SVIL: variants seen among roughly 807,000 people sequenced by gnomAD.
SVIL encodes archvillin.
A neutral mutation model predicts 240.4 loss-of-function variants in SVIL; 101 were observed. The observed-to-expected ratio is 0.42, with a 90% CI of 0.36 to 0.50. SVIL has a LOEUF of 0.50. Ranked by LOEUF, SVIL falls within the 20% of genes least tolerant of loss-of-function variation. SVIL has a pLI of 0.01. For synonymous variants in SVIL, 999 were observed against 1,100.0 expected, an observed-to-expected ratio of 0.91 and a Z score of 1.82; for missense variants, 2,512 against 2,818.7, an observed-to-expected ratio of 0.89 and a Z score of 2.46.
Position 29,471,750 on chromosome 10 carries a change from C to G in SVIL, c.5530-507G>C, listed in dbSNP as rs549778537. On this transcript the variant is annotated intron_variant, in intron 30 of 37. Transcript: ENST00000355867. ...AGAAGGCTCTTCCTTCAGGTGTTAT[C>G]TGCACCACGAATAATGTTAGGTTTG... is the stretch of plus-strand genomic sequence containing the variant. Among the ~76,000 whole-genome samples, 145 of 152,336 alleles carry G rather than the reference C, an allele frequency of 9.5e-4. 1 individual carries two copies. The highest frequency in any genetic ancestry group is 3.4e-3 in the African/African-American group (143 of 41,580).
At chr10:29,671,384 T>A (rs1959763150) in intron 2 of SVIL, among the ~76,000 whole-genome samples, 1 of 152,174 alleles carries the variant, frequency 6.6e-6, no homozygotes, top group African/African-American at 2.4e-5. Context: ...CCACACTACA[T>A]CTCTTAGGAT....
At chr10:29,627,037 G>A (rs985125489) in intron 1 of SVIL, among the ~76,000 whole-genome samples, 8 of 150,888 alleles carry the variant, frequency 5.3e-5, no homozygotes, top group African/African-American at 2.0e-4. Flanking sequence ...AAAATAAAAT[G>A]AAAATAAAAT....
chr10:29,699,660 A>C (rs930893970), intron 1 of SVIL, among the ~76,000 whole-genome samples: 10 of 152,194 alleles, frequency 6.6e-5, no homozygotes, highest in African/African-American at 2.2e-4. Flanking sequence ...AAAAACTCAC[A>C]AAGACGTTTT....
intron 1 of SVIL, among the ~76,000 whole-genome samples, chr10:29,615,169 A>G (rs1957385519): frequency 6.6e-6 from 1 of 152,182 alleles, no homozygotes. Context: ...TCTATTTAAG[A>G]AACAGACCAA....
chr10:29,593,260 G>T (rs1956458525), intron 1 of SVIL, among the ~76,000 whole-genome samples: 1 of 152,212 alleles, frequency 6.6e-6, no homozygotes, highest in African/African-American at 2.4e-5. Context: ...GACACAGCCT[G>T]TCCCACAGTC....
At chr10:29,536,318 T>C (rs1951739768) in intron 6 of SVIL, among the ~76,000 whole-genome samples, 1 of 152,142 alleles carries the variant, frequency 6.6e-6, no homozygotes, top group African/African-American at 2.4e-5. Context: ...GCTTATTACC[T>C]GGGTGACAAA....
intron 1 of SVIL, among the ~76,000 whole-genome samples, chr10:29,632,842 C>CAT (rs1589427687): frequency 2.0e-4 from 1 of 4,990 alleles, no homozygotes; most frequent in East Asian, 2.0e-3. Context: ...TTATCTTTAA[C>CAT]ACACACACAC....
intron 2 of SVIL, among the ~76,000 whole-genome samples, chr10:29,659,300 C>A (rs970698022): frequency 6.6e-6 from 1 of 152,168 alleles, no homozygotes. Flanking sequence ...GGTTAACAAG[C>A]GTGGCTTTGG....
chr10:29,595,735 C>T (rs568015139), intron 1 of SVIL, among the ~76,000 whole-genome samples: 22 of 152,272 alleles, frequency 1.4e-4, no homozygotes, highest in African/African-American at 4.6e-4. Flanking sequence ...AAGCAGGCAA[C>T]GCGGTCTTCG....
At chr10:29,630,711 G>A (rs1488960940) in intron 1 of SVIL, among the ~76,000 whole-genome samples, 1 of 151,808 alleles carries the variant, frequency 6.6e-6, no homozygotes, top group African/African-American at 2.4e-5. Flanking sequence ...ACTTGTTACC[G>A]CAACACGAAC....
intron 3 of SVIL, among the ~76,000 whole-genome samples, chr10:29,651,774 C>T (rs1273901812): frequency 6.6e-6 from 1 of 152,072 alleles, no homozygotes; most frequent in African/African-American, 2.4e-5. Context: ...TTAATAGACA[C>T]CTCAAACTTA....
chr10:29,671,014 G>A (rs1390741868), intron 2 of SVIL: 1 of 152,098 alleles, frequency 6.6e-6, no homozygotes, highest in Non-Finnish European at 1.5e-5. Context: ...AGAGTCTGAT[G>A]AGGGACCAGA....
chr10:29,712,904 C>T (rs1239676301), intron 1 of SVIL, among the ~76,000 whole-genome samples: 2 of 152,094 alleles, frequency 1.3e-5, no homozygotes, highest in South Asian at 2.1e-4. Flanking sequence ...GGGCTGGGCA[C>T]GGTGGCTCAG....
chr10:29,583,699 T>C (rs1956043806), intron 1 of SVIL, among the ~76,000 whole-genome samples: 1 of 152,188 alleles, frequency 6.6e-6, no homozygotes, highest in Non-Finnish European at 1.5e-5. Context: ...GGCGTGTTTG[T>C]GATATTTCAC....
intron 1 of SVIL, among the ~76,000 whole-genome samples, chr10:29,694,106 A>G (rs1311553543): frequency 6.6e-6 from 1 of 151,960 alleles, no homozygotes; most frequent in Non-Finnish European, 1.5e-5. Context: ...AGAAGATGTA[A>G]ACAAAGAAAG....
At chr10:29,491,276 G>T in intron 21 of SVIL, among the ~76,000 whole-genome samples, 1 of 152,110 alleles carries the variant, frequency 6.6e-6, no homozygotes. Flanking sequence ...GGGAGGGTGT[G>T]GAGTACTTCC....
At chr10:29,470,615 G>A in intron 31 of SVIL, 132 bp from the exon 32 acceptor site, 3 of 1,015,326 alleles carry the variant, frequency 3.0e-6, no homozygotes, top group East Asian at 2.6e-5. Flanking sequence ...GGGGACTGGA[G>A]GGGCTGAGGC....
intron 2 of SVIL, among the ~76,000 whole-genome samples, chr10:29,568,779 G>GTGGA (rs768765147): frequency 0.066 from 9,146 of 137,822 alleles, 350 homozygotes; most frequent in Admixed American, 0.13. Flanking sequence ...ACATGGATGG[G>GTGGA]TGGATGGGTG....
At chr10:29,657,200 G>A (rs1959033249) in intron 3 of SVIL, among the ~76,000 whole-genome samples, 3 of 152,182 alleles carry the variant, frequency 2.0e-5, no homozygotes, top group African/African-American at 4.8e-5. Flanking sequence ...ATCTAAACAT[G>A]AGCACTGTCA....
Sources: gnomAD v4.1 joint callset for allele counts (sites outside exome capture counted in the v4.1 genomes callset) on GRCh38, gnomAD v4.1.1 for gene constraint, MANE v1.5 for transcripts, NCBI Gene and HGNC (gene_info 2026-07-23, HGNC 2026-07-21) for gene names.